The following EDRF1 variants were observed in gnomAD, a reference collection of about 807,000 sequenced individuals.
EDRF1 encodes erythroid differentiation-related factor 1.
EDRF1 carries 69 observed loss-of-function variants against 148.7 expected under a neutral mutation model. That is an observed-to-expected ratio of 0.46 (90% CI 0.38 to 0.57). The LOEUF is 0.57. Among genes scored for constraint, EDRF1 ranks in the 20% least tolerant of loss-of-function variants. EDRF1 has a pLI of 0.00. For synonymous variants in EDRF1, 515 were observed against 532.8 expected (o/e 0.97, Z 0.46); for missense variants, 1,118 against 1,478.7 (o/e 0.76, Z 4.00).
At chr10:125,731,608 G>T (rs1848482332) in intron 9 of EDRF1, among the ~76,000 whole-genome samples, 1 of 152,148 alleles carries the variant, frequency 6.6e-6, no homozygotes, top group Admixed American at 6.5e-5. Flanking sequence ...GGAATCAGAA[G>T]GCTTTGCATC....
chr10:125,760,530 G>A (rs559925023), intron 24 of EDRF1, among the ~76,000 whole-genome samples: 1 of 151,956 alleles, frequency 6.6e-6, no homozygotes, highest in African/African-American at 2.4e-5. Flanking sequence ...GTGATAATGT[G>A]TTAATAAAAT....
rs747902025 is a variant in EDRF1, at chr10:125,743,202, G to A, written c.2516G>A (p.Arg839Lys). The change falls in exon 18 of 25, where the codon AGA (arginine) becomes AAA (lysine). Residue 839 changes from arginine to lysine, a missense_variant. Arg to Lys is a conservative substitution (Grantham distance 26, BLOSUM62 2). Coordinates refer to ENST00000356792, the MANE Select transcript of EDRF1 (RefSeq NM_001202438.2). ...NPEHYVQVLK[R>K]MGNIRNEIGV... ...GAACACTATGTACAAGTATTAAAGA[G>A]AATGGGTAACATTAGAAATGAAATT... 3.7e-6 allele frequency: 6 copies of A among 1,613,810 alleles called. No homozygotes were observed. Among genetic ancestry groups the A allele is most frequent in the Non-Finnish European group, 4.2e-6 (5 of 1,179,942 alleles).
chr10:125,727,357 A>G (rs1013465401), intron 6 of EDRF1, among the ~76,000 whole-genome samples: 4 of 152,204 alleles, frequency 2.6e-5, no homozygotes, highest in Non-Finnish European at 4.4e-5. Context: ...TATATTTGCA[A>G]GCTATCTCTG....
intron 5 of EDRF1, 78 bp downstream of exon 5, chr10:125,725,520 A>G: frequency 6.3e-7 from 1 of 1,595,364 alleles, no homozygotes; most frequent in South Asian, 1.1e-5. Flanking sequence ...TAATGAAGTT[A>G]TAATTTAAGT....
intron 13 of EDRF1, among the ~76,000 whole-genome samples, chr10:125,736,798 A>G (rs1404469621): frequency 6.6e-6 from 1 of 151,610 alleles, no homozygotes; most frequent in Non-Finnish European, 1.5e-5. Context: ...AGGTCTGTTC[A>G]TGGCTGCCTT....
intron 2 of EDRF1, 46 bp from the exon 3 acceptor site, chr10:125,723,022 T>A (rs1848080336): frequency 6.9e-7 from 1 of 1,453,216 alleles, no homozygotes. Context: ...ACTTGCATGA[T>A]TATGAGCATG....
At chr10:125,754,819 A>G (rs767727061) in intron 24 of EDRF1, among the ~76,000 whole-genome samples, 1 of 152,238 alleles carries the variant, frequency 6.6e-6, no homozygotes, top group Non-Finnish European at 1.5e-5. Flanking sequence ...ATTTATCCTA[A>G]TACATCCATT....
chr10:125,742,489 G>T (rs888896498), intron 17 of EDRF1: 6 of 1,037,358 alleles, frequency 5.8e-6, no homozygotes, highest in East Asian at 2.0e-4. Context: ...GTGTTATTTT[G>T]TAATAGTTTT....
chr10:125,732,407 G>A (rs1207597385), intron 9 of EDRF1, among the ~76,000 whole-genome samples: 1 of 152,178 alleles, frequency 6.6e-6, no homozygotes. Flanking sequence ...CACATGTTCA[G>A]TTTGAGGAAA....
chr10:125,740,959 T>G, intron 16 of EDRF1, 42 bp from the exon 17 acceptor site: 1 of 1,585,380 alleles, frequency 6.3e-7, no homozygotes, highest in Non-Finnish European at 8.7e-7. Flanking sequence ...TTAATTTTTT[T>G]CTGCATTTGT....
At chr10:125,742,093 G>A (rs1589848008) in intron 17 of EDRF1, 1 of 572,460 alleles carries the variant, frequency 1.7e-6, no homozygotes, top group Non-Finnish European at 2.8e-6. Flanking sequence ...AGGTATAACA[G>A]TTGGTGAAGG....
At position 125,740,561 on chromosome 10, in the gene EDRF1, A is replaced by G. The variant is rs1219642182; in HGVS notation, c.2080A>G (p.Lys694Glu). 6.2e-7 allele frequency: 1 copy of G among 1,614,014 alleles called. No individual in the cohort carries two copies. The highest frequency in any genetic ancestry group is 8.5e-7 in the Non-Finnish European group (1 of 1,180,024). The change falls in exon 16 of 25, where the codon AAG becomes GAG. Residue 694 changes from lysine to glutamate, a missense_variant. Transcript: ENST00000356792. ...MKLQLILKSS[K>E]AYYVLSDAAM... ...ACTTCAGCTGATTCTCAAGTCATCA[A>G]AGGCCTATTATGTTTTGTCCGATGC...
chr10:125,728,382 G>A (rs1351968979), intron 6 of EDRF1, among the ~76,000 whole-genome samples: 1 of 151,994 alleles, frequency 6.6e-6, no homozygotes, highest in African/African-American at 2.4e-5. Flanking sequence ...CCTGGTAAAC[G>A]TCATCTTTCA....
At chr10:125,732,289 C>A (rs1848512804) in intron 9 of EDRF1, among the ~76,000 whole-genome samples, 1 of 152,084 alleles carries the variant, frequency 6.6e-6, no homozygotes, top group Non-Finnish European at 1.5e-5. Context: ...CGGAGGGGAA[C>A]AGGAGTCAAA....
At chr10:125,732,156 G>C (rs12360026) in intron 9 of EDRF1, among the ~76,000 whole-genome samples, 3,487 of 152,250 alleles carry the variant, frequency 0.023, 78 homozygotes, top group Non-Finnish European at 0.036. Flanking sequence ...GTATGATTCT[G>C]GTTTGCAGTC....
intron 22 of EDRF1, 26 bp downstream of exon 22, chr10:125,749,591 A>C (rs1309477617): frequency 6.2e-7 from 1 of 1,611,712 alleles, no homozygotes; most frequent in African/African-American, 1.3e-5. Flanking sequence ...CATTTCTCAG[A>C]TATGTATGCA....
intron 6 of EDRF1, among the ~76,000 whole-genome samples, chr10:125,727,693 G>T (rs924296920): frequency 1.3e-5 from 2 of 152,204 alleles, no homozygotes; most frequent in Non-Finnish European, 2.9e-5. Context: ...TCCCAAGCAG[G>T]TGCCAAGCCT....
Position 125,763,641 on chromosome 10 carries a change from G to C in EDRF1, c.*169G>C. 1.3e-6 allele frequency: 1 copy of C among 769,426 alleles called. No homozygotes were observed. The highest frequency in any genetic ancestry group is 2.1e-6 in the Non-Finnish European group (1 of 482,738). 47.7% of individuals were successfully genotyped at this position (769,426 alleles called of 1,614,324 possible). The stretch of plus-strand genomic sequence containing the variant: ...GACAGACAAATTACGGTTGAGTTCT[G>C]TGGCTTCTTCACTTGAAGTGCTAAC... On this transcript the variant is annotated 3_prime_UTR_variant, in exon 25 of 25. Coordinates refer to ENST00000356792, the MANE Select transcript of EDRF1 (RefSeq NM_001202438.2). This position sits in a 1 kb window ranked among gnomAD's most constrained non-coding sequence, Gnocchi z 4.3.
intron 18 of EDRF1, chr10:125,745,282 T>G (rs1849290043): frequency 1.5e-5 from 3 of 200,278 alleles, no homozygotes; most frequent in Non-Finnish European, 3.1e-5. Flanking sequence ...GGCAGCAGCA[T>G]TGGATTCCTC....
Sources: allele counts gnomAD v4.1 joint callset (sites outside exome capture counted in the v4.1 genomes callset), GRCh38; gene constraint gnomAD v4.1.1; non-coding constraint Gnocchi (gnomAD v3.1); transcripts MANE v1.5; gene names NCBI Gene and HGNC (gene_info 2026-07-23, HGNC 2026-07-21).